The following ARB2A variants were observed in gnomAD, a reference collection of about 807,000 sequenced individuals.
ARB2A encodes the protein cotranscriptional regulator ARB2A.
the ARB2A span, among the ~76,000 whole-genome samples, chr5:93,956,090 G>C: frequency 3.7e-4 from 56 of 152,300 alleles, no homozygotes; most frequent in Non-Finnish European, 6.0e-4. Context: ...GAATATTAGC[G>C]ATGGCAACCT....
the ARB2A span, among the ~76,000 whole-genome samples, chr5:93,836,808 A>G: frequency 1.9e-4 from 29 of 152,318 alleles, no homozygotes; most frequent in East Asian, 4.6e-3. Flanking sequence ...ATTGAACCAT[A>G]TAAGTTACCA....
At chr5:93,709,109 T>A in the ARB2A span, among the ~76,000 whole-genome samples, 8 of 145,338 alleles carry the variant, frequency 5.5e-5, no homozygotes, top group Non-Finnish European at 1.2e-4. Flanking sequence ...TTTCACAAGG[T>A]ATACACATGT....
chr5:93,754,240 C>A, the ARB2A span, among the ~76,000 whole-genome samples: 2 of 152,190 alleles, frequency 1.3e-5, no homozygotes, highest in Non-Finnish European at 2.9e-5. Context: ...AGCTCACATT[C>A]TAGTAGGAGA....
At chr5:93,895,746 G>A in the ARB2A span, among the ~76,000 whole-genome samples, 1 of 151,814 alleles carries the variant, frequency 6.6e-6, no homozygotes, top group South Asian at 2.1e-4. Flanking sequence ...CTAAAGTGTA[G>A]GCAATTACAT....
chr5:93,665,274 GTC>G, the ARB2A span, among the ~76,000 whole-genome samples: 1 of 152,190 alleles, frequency 6.6e-6, no homozygotes, highest in Non-Finnish European at 1.5e-5. Flanking sequence ...TTAATAATGA[GTC>G]TGTGTTAAAT....
chr5:93,975,886 A>G, the ARB2A span, among the ~76,000 whole-genome samples: 1 of 152,128 alleles, frequency 6.6e-6, no homozygotes, highest in African/African-American at 2.4e-5. Context: ...CATTGAAACT[A>G]TTACAAAAAG....
the ARB2A span, among the ~76,000 whole-genome samples, chr5:93,723,153 T>G: frequency 6.6e-6 from 1 of 152,116 alleles, no homozygotes; most frequent in South Asian, 2.1e-4. Context: ...ACCAACAAAT[T>G]ATGAGAGAGC....
chr5:93,970,306 A>C, the ARB2A span, among the ~76,000 whole-genome samples: 8 of 152,140 alleles, frequency 5.3e-5, no homozygotes, highest in African/African-American at 1.7e-4. Flanking sequence ...AAGGTGGATA[A>C]ATTGAATCAA....
the ARB2A span, chr5:93,881,207 A>G: frequency 7.3e-6 from 2 of 274,716 alleles, no homozygotes; most frequent in South Asian, 1.1e-4. Context: ...ATTATTTTAG[A>G]AAATTTTTCT....
At chr5:93,939,053 A>G in the ARB2A span, among the ~76,000 whole-genome samples, 4 of 152,188 alleles carry the variant, frequency 2.6e-5, no homozygotes, top group African/African-American at 9.6e-5. Flanking sequence ...GTTCTCTTAA[A>G]TATTTTCAAG....
chr5:94,089,589 G>A, the ARB2A span, among the ~76,000 whole-genome samples: 32 of 89,688 alleles, frequency 3.6e-4, no homozygotes, highest in Admixed American at 9.8e-4. Flanking sequence ...GTTTAAAACC[G>A]TTTATACACA....
chr5:94,010,107 C>T, the ARB2A span, among the ~76,000 whole-genome samples: 1 of 151,862 alleles, frequency 6.6e-6, no homozygotes, highest in South Asian at 2.1e-4. Flanking sequence ...CTTTGCTCTT[C>T]TTTATGTAAT....
At chr5:93,859,261 C>G in the ARB2A span, among the ~76,000 whole-genome samples, 3 of 152,054 alleles carry the variant, frequency 2.0e-5, no homozygotes, top group Admixed American at 2.0e-4. Flanking sequence ...GGTTAAAACA[C>G]ATATTATTGA....
the ARB2A span, among the ~76,000 whole-genome samples, chr5:93,817,531 G>A: frequency 6.6e-6 from 1 of 152,110 alleles, no homozygotes. Context: ...TCTTGAAACA[G>A]AATGAACAAA....
At chr5:94,062,658 C>T in the ARB2A span, among the ~76,000 whole-genome samples, 1 of 152,078 alleles carries the variant, frequency 6.6e-6, no homozygotes, top group Non-Finnish European at 1.5e-5. Flanking sequence ...AGAGAAGGAG[C>T]TCATGCTGAG....
At chr5:93,902,583 G>C in the ARB2A span, among the ~76,000 whole-genome samples, 1 of 152,122 alleles carries the variant, frequency 6.6e-6, no homozygotes, top group Non-Finnish European at 1.5e-5. Context: ...TAGAAGGCTA[G>C]GAGTTTGAAA....
chr5:93,771,116 A>G, the ARB2A span, among the ~76,000 whole-genome samples: 1 of 152,206 alleles, frequency 6.6e-6, no homozygotes, highest in Non-Finnish European at 1.5e-5. Flanking sequence ...GAAACAGATC[A>G]ATGAAACAGA....
At chr5:94,010,479 G>GAACTTTTCTTTCTGAATCTTCAGCTCA in the ARB2A span, among the ~76,000 whole-genome samples, 1 of 152,008 alleles carries the variant, frequency 6.6e-6, no homozygotes, top group Non-Finnish European at 1.5e-5. Flanking sequence ...TAAAAGTGGA[G>GAACTTTTCTTTCTGAATCTTCAGCTCA]AACTTTTCTT....
the ARB2A span, among the ~76,000 whole-genome samples, chr5:93,790,091 A>T: frequency 6.6e-6 from 1 of 152,200 alleles, no homozygotes; most frequent in East Asian, 1.9e-4. Flanking sequence ...CCTGGGTTCA[A>T]GTCCATGCTC....
Sources: gnomAD v4.1 joint callset for allele counts (sites outside exome capture counted in the v4.1 genomes callset) on GRCh38, gnomAD v4.1.1 for gene constraint, MANE v1.5 for transcripts, NCBI Gene and HGNC (gene_info 2026-07-23, HGNC 2026-07-21) for gene names.